The following SLC6A2 variants were observed in gnomAD, a reference collection of about 807,000 sequenced individuals.
The protein encoded by SLC6A2 is sodium-dependent noradrenaline transporter.
A neutral mutation model predicts 71.7 loss-of-function variants in SLC6A2; 26 were observed. That is an observed-to-expected ratio of 0.36 (90% confidence interval 0.27 to 0.50). The LOEUF (loss-of-function observed/expected upper bound fraction) is 0.50. Ranked by LOEUF, SLC6A2 falls within the 20% of genes least tolerant of loss-of-function variation. SLC6A2 has a pLI of 0.96. For synonymous variants in SLC6A2, 363 were observed against 337.9 expected, an observed-to-expected ratio of 1.07 and a Z score of -0.82; for missense variants, 581 against 803.9, an observed-to-expected ratio of 0.72 and a Z score of 3.35.
intron 5 of SLC6A2, among the ~76,000 whole-genome samples, chr16:55,688,344 A>G (rs1965519797): frequency 6.6e-6 from 1 of 152,224 alleles, no homozygotes; most frequent in Non-Finnish European, 1.5e-5. Flanking sequence ...GGACTCAATT[A>G]TAATGAACAG....
At chr16:55,695,439 G>A in intron 8 of SLC6A2, 37 bp downstream of exon 8, 2 of 1,612,966 alleles carry the variant, frequency 1.2e-6, no homozygotes, top group South Asian at 2.2e-5. Flanking sequence ...AGCCCACTGA[G>A]GCGGGAGCTG....
intron 12 of SLC6A2, 86 bp downstream of exon 12, chr16:55,699,740 G>C: frequency 1.0e-6 from 1 of 991,826 alleles, no homozygotes; most frequent in East Asian, 2.5e-5. Flanking sequence ...GCTTCTTAGG[G>C]GAGGAGGCTC....
chr16:55,688,623 C>T (rs1265513972), intron 5 of SLC6A2, among the ~76,000 whole-genome samples: 1 of 152,190 alleles, frequency 6.6e-6, no homozygotes, highest in Non-Finnish European at 1.5e-5. Flanking sequence ...TGCTGAAACT[C>T]AGATTGCTGG....
At chr16:55,694,587 C>G (rs1398210742) in intron 7 of SLC6A2, among the ~76,000 whole-genome samples, 1 of 152,150 alleles carries the variant, frequency 6.6e-6, no homozygotes, top group Non-Finnish European at 1.5e-5. Context: ...GGACTTCAGG[C>G]ATAGGCACAA....
chr16:55,671,966 C>T lies in SLC6A2; in HGVS notation c.435C>T (p.Ala145=), dbSNP rs745976198. The change falls in exon 4 of 15, where the codon GCC becomes GCT. Residue 145 remains alanine, a synonymous_variant. Transcript: ENST00000568943. ...TTGGCTATGCTGTCATCCTGATCGC[C>T]CTGTACGTTGGCTTCTACTACAACG... ...KGVGYAVILI[A]LYVGFYYNVI... 5 of 1,614,038 alleles carry T rather than the reference C, an allele frequency of 3.1e-6. No homozygotes were observed. The highest frequency in any genetic ancestry group is 2.5e-6 in the Non-Finnish European group (3 of 1,180,040).
chr16:55,672,228 C>T (rs1964945125), intron 4 of SLC6A2, 53 bp downstream of exon 4: 9 of 1,613,900 alleles, frequency 5.6e-6, no homozygotes, highest in Middle Eastern at 3.3e-4. Context: ...CTTGGTATGA[C>T]CTGAGCCAAA....
chr16:55,687,518 G>A (rs1965491480), intron 5 of SLC6A2, among the ~76,000 whole-genome samples: 1 of 152,084 alleles, frequency 6.6e-6, no homozygotes, highest in Non-Finnish European at 1.5e-5. Flanking sequence ...AACTACATGA[G>A]CAAAACTGTA....
intron 2 of SLC6A2, among the ~76,000 whole-genome samples, chr16:55,664,396 A>G (rs1964692471): frequency 6.6e-6 from 1 of 152,208 alleles, no homozygotes; most frequent in Non-Finnish European, 1.5e-5. Flanking sequence ...ACACAAGAGT[A>G]GAGTAGCCAG....
intron 6 of SLC6A2, among the ~76,000 whole-genome samples, chr16:55,692,518 C>T (rs548980073): frequency 1.3e-5 from 2 of 152,218 alleles, no homozygotes; most frequent in African/African-American, 4.8e-5. Flanking sequence ...CCCCAACACC[C>T]TCATCCAACC....
Position 55,691,994 on chromosome 16 carries a change from C to T in SLC6A2, c.860C>T (p.Ala287Val), listed in dbSNP as rs1260656057. 1.2e-6 allele frequency: 2 copies of T among 1,614,208 alleles called. No individual in the cohort carries two copies. Among genetic ancestry groups the T allele is most frequent in the Admixed American group, 1.7e-5 (1 of 60,032 alleles). ...LLVHGVTLPG[A>V]SNGINAYLHI... ...GTCCATGGCGTCACGCTGCCCGGAGCCTCCAATGGCATCAATGCCTACCTG... is the reference window on the plus strand; with the variant it reads ...GTCCATGGCGTCACGCTGCCCGGAGTCTCCAATGGCATCAATGCCTACCTG... Residue 287 changes from alanine (A) to valine (V), a missense_variant, in exon 6 of 15, where the codon GCC (alanine) becomes GTC (valine). Physicochemically the swap from Ala to Val is moderately conservative, Grantham distance 64. This residue lies in a region of SLC6A2 where 334 missense variants were observed against 449.0 expected (regional missense o/e 0.74). Coordinates refer to ENST00000568943, the MANE Select transcript of SLC6A2 (RefSeq NM_001172501.3).
chr16:55,700,201 G>A lies in SLC6A2; in HGVS notation c.1653G>A (p.Pro551=), dbSNP rs759370132. 1.5e-5 allele frequency: 24 copies of A among 1,613,726 alleles called. No homozygotes were observed. Among genetic ancestry groups the A allele is most frequent in the South Asian group, 6.6e-5 (6 of 91,056 alleles). ...KPLTYDDYIF[P]PWANWVGWGI... Reference sequence around the variant, plus strand: ...TCACCTACGACGACTACATCTTCCCGCCCTGGGCCAACTGGGTGGGGTGGG... The same window carrying A: ...TCACCTACGACGACTACATCTTCCCACCCTGGGCCAACTGGGTGGGGTGGG... The change falls in exon 13 of 15, where the codon CCG becomes CCA. Residue 551 remains proline, a synonymous_variant. Coordinates refer to ENST00000568943, the MANE Select transcript of SLC6A2 (RefSeq NM_001172501.3).
chr16:55,701,402 G>C (rs184003655), intron 13 of SLC6A2, among the ~76,000 whole-genome samples: 51 of 152,284 alleles, frequency 3.3e-4, no homozygotes, highest in Non-Finnish European at 5.7e-4. Context: ...GTGATCAATT[G>C]TTGGTTCAGA....
chr16:55,680,471 C>T (rs751500612), intron 4 of SLC6A2, among the ~76,000 whole-genome samples: 2 of 152,164 alleles, frequency 1.3e-5, no homozygotes, highest in Admixed American at 6.5e-5. Flanking sequence ...TCGAGGGTAG[C>T]AAGCATCCAG....
intron 9 of SLC6A2, among the ~76,000 whole-genome samples, 162 bp from the exon 10 acceptor site, chr16:55,697,735 G>C (rs894711221): frequency 2.0e-5 from 3 of 152,156 alleles, no homozygotes; most frequent in Non-Finnish European, 2.9e-5. Flanking sequence ...GGACAGAAAT[G>C]TGACGAGAGG....
intron 2 of SLC6A2, among the ~76,000 whole-genome samples, chr16:55,662,687 G>A (rs1964641558): frequency 6.6e-6 from 1 of 152,212 alleles, no homozygotes; most frequent in Non-Finnish European, 1.5e-5. Flanking sequence ...ATCCTCCAAA[G>A]TGACGAGCAG....
intron 11 of SLC6A2, among the ~76,000 whole-genome samples, chr16:55,699,116 TC>T (rs1965891607): frequency 6.6e-6 from 1 of 152,218 alleles, no homozygotes; most frequent in Admixed American, 6.5e-5. Flanking sequence ...AACATGTTAG[TC>T]CTGTTCTCAC....
Position 55,680,420 on chromosome 16 carries a change from C to T in SLC6A2, c.645-4723C>T, listed in dbSNP as rs1596982714. On this transcript the variant is annotated intron_variant, in intron 4 of 14. Coordinates refer to ENST00000568943, the MANE Select transcript of SLC6A2 (RefSeq NM_001172501.3). Reference sequence around the variant, plus strand: ...GTCTGCAAGCTGAGGAGCAAGGAAGCCAGTCCAAGTCCCAAAGCTGAAGAA... The same window carrying T: ...GTCTGCAAGCTGAGGAGCAAGGAAGTCAGTCCAAGTCCCAAAGCTGAAGAA... 2.0e-5 allele frequency among the ~76,000 whole-genome samples: 3 copies of T among 152,136 alleles called. No individual in the cohort carries two copies. The East Asian group carries it at 5.8e-4, about 29-fold the overall frequency.
At chr16:55,685,769 G>T (rs1965431637) in intron 5 of SLC6A2, among the ~76,000 whole-genome samples, 1 of 152,154 alleles carries the variant, frequency 6.6e-6, no homozygotes, top group Non-Finnish European at 1.5e-5. Flanking sequence ...TGGATTTTGT[G>T]TTTCCTCGGA....
intron 5 of SLC6A2, among the ~76,000 whole-genome samples, chr16:55,688,731 T>C (rs1965530093): frequency 6.6e-6 from 1 of 152,174 alleles, no homozygotes; most frequent in Non-Finnish European, 1.5e-5. Context: ...TCTATGGAGC[T>C]CACCTTGATC....
Sources: gnomAD v4.1 joint callset for allele counts (sites outside exome capture counted in the v4.1 genomes callset) on GRCh38, gnomAD v4.1.1 for gene constraint, gnomAD v4.1.1 regional missense constraint, MANE v1.5 for transcripts, NCBI Gene and HGNC (gene_info 2026-07-23, HGNC 2026-07-21) for gene names.